Variants in RASA2 observed in about 807,000 individuals in gnomAD.
RASA2 encodes the protein RAS p21 protein activator 2.
A neutral mutation model predicts 118.2 loss-of-function variants in RASA2; 155 were observed. That is an observed-to-expected ratio of 1.31 (90% CI 1.15 to 1.50). RASA2 has a LOEUF of 1.50. Among genes scored for constraint, RASA2 ranks in the 40% most tolerant of loss-of-function variants. The pLI is 0.00. For missense variants in RASA2, 1,016 were observed against 1,009.6 expected (o/e 1.01, Z -0.09); for synonymous variants, 353 against 349.1 (o/e 1.01, Z -0.12).
At chr3:141,568,772 A>G (rs1177231563) in intron 9 of RASA2, among the ~76,000 whole-genome samples, 1 of 152,134 alleles carries the variant, frequency 6.6e-6, no homozygotes, top group Non-Finnish European at 1.5e-5. Flanking sequence ...GCGTTTGTTA[A>G]TAGCAAATCC....
At chr3:141,584,173 A>T (rs999013798) in intron 17 of RASA2, among the ~76,000 whole-genome samples, 1 of 152,002 alleles carries the variant, frequency 6.6e-6, no homozygotes, top group Non-Finnish European at 1.5e-5. Context: ...TCTACTAAAA[A>T]TACAAAAATT....
Position 141,516,310 on chromosome 3 carries a change from C to G in RASA2, c.252-18C>G, listed in dbSNP as rs184922882. On this transcript the variant is annotated intron_variant, in intron 2 of 23. Coordinates refer to ENST00000286364, the MANE Select transcript of RASA2 (RefSeq NM_006506.5). ...ATTTTATATTATTTGAAGTAATGAGCTTTCCTTTTCTTTCTAGCCCATTTT... is the reference window on the plus strand; with the variant it reads ...ATTTTATATTATTTGAAGTAATGAGGTTTCCTTTTCTTTCTAGCCCATTTT... The G allele has an allele frequency of 5.6e-4, 849 of 1,504,500 alleles. 11 individuals are homozygous for G. In the Admixed American group the frequency reaches 0.018, roughly 31 times the overall value. 93.2% of individuals were successfully genotyped at this position (1,504,500 alleles called of 1,614,324 possible). A position where few individuals can be genotyped will look rare whatever the true frequency, so the allele number is the denominator to read the frequency against.
intron 3 of RASA2, chr3:141,525,198 A>G (rs940795174): frequency 6.6e-6 from 1 of 152,190 alleles, no homozygotes; most frequent in African/African-American, 2.4e-5. Context: ...GAACTAATAC[A>G]GCATCTGGTG....
intron 5 of RASA2, among the ~76,000 whole-genome samples, chr3:141,541,448 C>A (rs1315745973): frequency 6.6e-6 from 1 of 151,886 alleles, no homozygotes; most frequent in Non-Finnish European, 1.5e-5. Flanking sequence ...TTAATTTTTT[C>A]TGACCTCTTT....
At chr3:141,580,085 A>AAAAAAATATATAT in intron 15 of RASA2, among the ~76,000 whole-genome samples, 1 of 59,596 alleles carries the variant, frequency 1.7e-5, no homozygotes, top group Non-Finnish European at 2.9e-5. Flanking sequence ...AAAAAAAAAA[A>AAAAAAATATATAT]ATATATATAT....
intron 5 of RASA2, among the ~76,000 whole-genome samples, chr3:141,552,393 T>C (rs1452129664): frequency 2.0e-5 from 3 of 152,198 alleles, no homozygotes; most frequent in African/African-American, 7.2e-5. Context: ...AGTTGAGTCT[T>C]GGCCAGCTTC....
At chr3:141,548,856 G>C (rs1018809606) in intron 5 of RASA2, among the ~76,000 whole-genome samples, 1 of 151,852 alleles carries the variant, frequency 6.6e-6, no homozygotes, top group Non-Finnish European at 1.5e-5. Context: ...TCATTTTCTC[G>C]CAGGTTCCGT....
intron 4 of RASA2, among the ~76,000 whole-genome samples, chr3:141,538,798 A>G (rs114672208): frequency 0.022 from 3,357 of 152,310 alleles, 48 homozygotes; most frequent in Middle Eastern, 0.044. Flanking sequence ...AGTAATGAAC[A>G]TATTAGGTAG....
chr3:141,571,571 A>G lies in RASA2; in HGVS notation c.1169+17A>G. ...GGATACACAGTAAGAGTTATATTTT[A>G]TTAAATGTTAATTACATGTTGTTGA... On this transcript the variant is annotated intron_variant, in intron 11 of 23. Coordinates refer to ENST00000286364, the MANE Select transcript of RASA2 (RefSeq NM_006506.5). 2 of 1,578,492 alleles carry G rather than the reference A, an allele frequency of 1.3e-6. No individual in the cohort carries two copies. Among genetic ancestry groups the G allele is most frequent in the Non-Finnish European group, 1.7e-6 (2 of 1,163,504 alleles).
intron 19 of RASA2, among the ~76,000 whole-genome samples, chr3:141,588,579 G>A (rs1460607339): frequency 6.6e-6 from 1 of 152,182 alleles, no homozygotes; most frequent in African/African-American, 2.4e-5. Context: ...GTGCTTTAAA[G>A]AGGATATAAC....
chr3:141,506,995 A>G (rs1275712025), intron 1 of RASA2, among the ~76,000 whole-genome samples: 3 of 152,146 alleles, frequency 2.0e-5, no homozygotes, highest in Non-Finnish European at 2.9e-5. Context: ...ATTATTGAAT[A>G]TATTTTTAAA....
intron 1 of RASA2, among the ~76,000 whole-genome samples, chr3:141,508,345 C>T (rs140888902): frequency 3.3e-5 from 5 of 151,588 alleles, no homozygotes; most frequent in Non-Finnish European, 2.9e-5. Flanking sequence ...AGCAGTGTTA[C>T]GATTTGGGCA....
chr3:141,513,222 A>T (rs879710014), intron 2 of RASA2, among the ~76,000 whole-genome samples: 2 of 151,702 alleles, frequency 1.3e-5, no homozygotes, highest in Admixed American at 6.6e-5. Context: ...CCTTTAAAAA[A>T]ATATCTTTCT....
chr3:141,608,521 CTA>C lies in RASA2; in HGVS notation c.2051_2052del (p.Tyr684CysfsTer5), dbSNP rs753229081. The C allele has an allele frequency of 6.2e-7, 1 of 1,613,904 alleles. No individual in the cohort carries two copies. The highest frequency in any genetic ancestry group is 8.5e-7 in the Non-Finnish European group (1 of 1,179,872). The stretch of plus-strand genomic sequence containing the variant: ...AAGTAATACATACGGAGAAACCACT[CTA>C]TGTCCAGGCAAATAACTGTGTAGAA... ...FQVIHTEKPL[Y>X]VQANNCVEAN... On this transcript the variant is annotated frameshift_variant, in exon 21 of 24. Coordinates refer to ENST00000286364, the MANE Select transcript of RASA2 (RefSeq NM_006506.5). LOFTEE classifies it high-confidence loss of function.
intron 19 of RASA2, among the ~76,000 whole-genome samples, chr3:141,602,732 T>G (rs537775456): frequency 2.6e-5 from 4 of 152,334 alleles, no homozygotes; most frequent in Admixed American, 2.0e-4. Flanking sequence ...GGTCAACAAA[T>G]GAATTGAGCA....
intron 23 of RASA2, among the ~76,000 whole-genome samples, chr3:141,612,014 A>C (rs2083660515): frequency 6.6e-6 from 1 of 152,128 alleles, no homozygotes; most frequent in Non-Finnish European, 1.5e-5. Flanking sequence ...TAAATATCTT[A>C]TTAATTTTAT....
At chr3:141,524,046 G>C (rs953307643) in intron 3 of RASA2, among the ~76,000 whole-genome samples, 4 of 152,156 alleles carry the variant, frequency 2.6e-5, no homozygotes, top group African/African-American at 9.7e-5. Context: ...GTTATCTACT[G>C]CTATGTAAGT....
intron 5 of RASA2, among the ~76,000 whole-genome samples, chr3:141,545,236 CT>C (rs2082467094): frequency 6.6e-6 from 1 of 152,070 alleles, no homozygotes; most frequent in Non-Finnish European, 1.5e-5. Flanking sequence ...GTGTTAGTGT[CT>C]TGTGTTAGTC....
chr3:141,503,269 A>G (rs896401284), intron 1 of RASA2, among the ~76,000 whole-genome samples: 5 of 152,190 alleles, frequency 3.3e-5, no homozygotes, highest in African/African-American at 1.2e-4. Context: ...ATAGGCACAT[A>G]GGTACATACT....
Sources: allele counts gnomAD v4.1 joint callset (sites outside exome capture counted in the v4.1 genomes callset), GRCh38; gene constraint gnomAD v4.1.1; transcripts MANE v1.5; gene names NCBI Gene and HGNC (gene_info 2026-07-23, HGNC 2026-07-21).